The following REV3L variants were observed in gnomAD, a reference collection of about 807,000 sequenced individuals.
REV3L encodes REV3 like, DNA directed polymerase zeta catalytic subunit.
Under a neutral mutation model 299.4 loss-of-function variants are expected in REV3L, and 69 were observed. That is an observed-to-expected ratio of 0.23 (90% CI 0.19 to 0.28). The LOEUF is 0.28. Ranked by LOEUF, REV3L falls within the 10% of genes least tolerant of loss-of-function variation. The pLI is 1.00. For synonymous variants in REV3L, 1,238 were observed against 1,271.4 expected, an observed-to-expected ratio of 0.97 and a Z score of 0.56; for missense variants, 3,128 against 3,693.8, an observed-to-expected ratio of 0.85 and a Z score of 3.97.
At chr6:111,326,236 T>G (rs938415299) in intron 25 of REV3L, among the ~76,000 whole-genome samples, 2 of 152,178 alleles carry the variant, frequency 1.3e-5, no homozygotes, top group African/African-American at 4.8e-5. Flanking sequence ...ACTACCCATC[T>G]AACATGGGAT....
chr6:111,317,768 G>A (rs1351291587), intron 26 of REV3L, among the ~76,000 whole-genome samples: 1 of 152,116 alleles, frequency 6.6e-6, no homozygotes, highest in African/African-American at 2.4e-5. Context: ...GTTTGAGATG[G>A]CCTGGGCAAT....
chr6:111,345,935 C>T (rs1776981446), intron 20 of REV3L, among the ~76,000 whole-genome samples: 1 of 152,002 alleles, frequency 6.6e-6, no homozygotes, highest in Non-Finnish European at 1.5e-5. Flanking sequence ...TTTATATTTT[C>T]TCTCAAATTC....
chr6:111,417,864 T>G (rs1321554448), intron 1 of REV3L, among the ~76,000 whole-genome samples: 1 of 152,248 alleles, frequency 6.6e-6, no homozygotes, highest in Non-Finnish European at 1.5e-5. Flanking sequence ...AACTACCAAC[T>G]GTCGTGCTTT....
intron 4 of REV3L, among the ~76,000 whole-genome samples, chr6:111,401,089 G>A (rs12198525): frequency 0.097 from 14,792 of 152,038 alleles, 941 homozygotes; most frequent in Non-Finnish European, 0.15. Context: ...GTCTATTTCT[G>A]GACTCTATTC....
At chr6:111,429,234 G>A (rs1331870434) in intron 1 of REV3L, among the ~76,000 whole-genome samples, 1 of 152,032 alleles carries the variant, frequency 6.6e-6, no homozygotes, top group Non-Finnish European at 1.5e-5. Context: ...TGCTGGTTTT[G>A]AACTCCTGGA....
chr6:111,387,923 T>C lies in REV3L; in HGVS notation c.948-10A>G. The C allele has an allele frequency of 6.2e-7, 1 of 1,613,556 alleles. No homozygotes were observed. ...AGATCCTGATAATGTTCTGCTTAAT[T>C]AAAACATATCCTTTATAACAGACTA... On this transcript the variant is annotated splice_polypyrimidine_tract_variant and intron_variant, in intron 8 of 31. Transcript: ENST00000368802.
chr6:111,325,185 G>A (rs1774644953), intron 25 of REV3L, among the ~76,000 whole-genome samples: 1 of 152,152 alleles, frequency 6.6e-6, no homozygotes, highest in South Asian at 2.1e-4. Context: ...AAAAACAAAT[G>A]TTTTAAGTAA....
At chr6:111,419,719 T>A (rs772240361) in intron 1 of REV3L, among the ~76,000 whole-genome samples, 14 of 152,258 alleles carry the variant, frequency 9.2e-5, no homozygotes, top group Non-Finnish European at 1.9e-4. Flanking sequence ...TAAGAACTTG[T>A]GACTTCAGTC....
chr6:111,464,079 A>T (rs1156588014), intron 1 of REV3L, among the ~76,000 whole-genome samples: 7 of 152,274 alleles, frequency 4.6e-5, no homozygotes, highest in Non-Finnish European at 1.0e-4. Flanking sequence ...GCTTGCATGC[A>T]ATGTTCTGGT....
intron 31 of REV3L, among the ~76,000 whole-genome samples, chr6:111,306,083 C>A (rs1032308102): frequency 6.6e-5 from 10 of 152,336 alleles, no homozygotes; most frequent in African/African-American, 2.4e-4. Flanking sequence ...ACTTGACAGT[C>A]AAAGAACTGG....
intron 25 of REV3L, among the ~76,000 whole-genome samples, chr6:111,325,055 G>T (rs1208727449): frequency 6.6e-6 from 1 of 152,130 alleles, no homozygotes; most frequent in Non-Finnish European, 1.5e-5. Flanking sequence ...TAAAGACGGG[G>T]TTTCACCGCA....
rs1221782481 is a variant in REV3L, at chr6:111,313,310, C to G, written c.8604+42G>C. The G allele has an allele frequency of 1.9e-6, 3 of 1,567,642 alleles. 1 individual carries two copies. Among genetic ancestry groups the G allele is most frequent in the South Asian group, 2.4e-5 (2 of 83,300 alleles). On this transcript the variant is annotated intron_variant, in intron 28 of 31. Coordinates refer to ENST00000368802, the MANE Select transcript of REV3L (RefSeq NM_001372078.1). ...TTACATTTTCACCAGACACTTTAGC[C>G]ACTTATTTCTTACAGATGAAGACAA...
intron 4 of REV3L, among the ~76,000 whole-genome samples, chr6:111,395,900 G>A (rs764846425): frequency 7.2e-5 from 11 of 152,130 alleles, no homozygotes; most frequent in Non-Finnish European, 1.3e-4. Context: ...ACCATGAAGG[G>A]ACATTGAATT....
At chr6:111,341,039 C>CTTTTTTT (rs5879104) in intron 21 of REV3L, among the ~76,000 whole-genome samples, 3 of 131,894 alleles carry the variant, frequency 2.3e-5, no homozygotes, top group Non-Finnish European at 4.7e-5. Context: ...TTCTCCTCAG[C>CTTTTTTT]TTTTTTTTTT....
chr6:111,382,286 C>T (rs562278672), intron 9 of REV3L, among the ~76,000 whole-genome samples: 2 of 152,202 alleles, frequency 1.3e-5, no homozygotes, highest in South Asian at 2.1e-4. Flanking sequence ...GTTTTAACAA[C>T]GTATCAAGGA....
intron 1 of REV3L, chr6:111,430,558 A>C: frequency 6.4e-7 from 1 of 1,568,686 alleles, no homozygotes; most frequent in Non-Finnish European, 8.7e-7. Flanking sequence ...CAGAGCATAG[A>C]CTTCATGGCT....
chr6:111,361,149 T>C (rs1345372156), intron 16 of REV3L, among the ~76,000 whole-genome samples: 1 of 151,632 alleles, frequency 6.6e-6, no homozygotes, highest in Admixed American at 6.6e-5. Flanking sequence ...TTTGGGAGGC[T>C]GAGGCAGGTG....
At chr6:111,386,417 G>C (rs746220742) in intron 9 of REV3L, among the ~76,000 whole-genome samples, 3 of 152,076 alleles carry the variant, frequency 2.0e-5, no homozygotes, top group African/African-American at 7.2e-5. Flanking sequence ...CACACACTAG[G>C]ATGGCTACAT....
intron 1 of REV3L, among the ~76,000 whole-genome samples, chr6:111,445,552 T>C (rs150073542): frequency 2.8e-3 from 424 of 152,286 alleles, no homozygotes; most frequent in Non-Finnish European, 5.1e-3. Flanking sequence ...TCACCATACG[T>C]TTTTACTGAA....
Sources: gnomAD v4.1 joint callset for allele counts (sites outside exome capture counted in the v4.1 genomes callset) on GRCh38, gnomAD v4.1.1 for gene constraint, MANE v1.5 for transcripts, NCBI Gene and HGNC (gene_info 2026-07-23, HGNC 2026-07-21) for gene names.